EXOC1: variants seen among roughly 807,000 people sequenced by gnomAD.
EXOC1 encodes the protein exocyst complex component 1, also known as SEC3-like 1.
EXOC1 carries 67 observed loss-of-function variants against 107.7 expected under a neutral mutation model. The ratio of observed to expected loss-of-function variants is 0.62; its 90% CI spans 0.51 to 0.76. The LOEUF (loss-of-function observed/expected upper bound fraction) is 0.76. Among genes scored for constraint, EXOC1 ranks in the 30% least tolerant of loss-of-function variants. The probability of loss-of-function intolerance (pLI) is 0.00; values close to 1 mark genes in which losing one functional copy is unlikely to be tolerated. For synonymous variants in EXOC1, 348 were observed against 353.5 expected (o/e 0.98, Z 0.17); for missense variants, 833 against 1,055.7 (o/e 0.79, Z 2.92).
chr4:55,855,969 T>C (rs1408089006), intron 1 of EXOC1, among the ~76,000 whole-genome samples: 2 of 152,180 alleles, frequency 1.3e-5, no homozygotes. Flanking sequence ...ATGGCTTTTA[T>C]ATCCTCTGCA....
chr4:55,904,334 TA>T lies in EXOC1; in HGVS notation c.2533-7del. 2 of 1,581,776 alleles carry T rather than the reference TA, an allele frequency of 1.3e-6. No homozygotes were observed. The highest frequency in any genetic ancestry group is 1.9e-5 in the Admixed American group (1 of 53,198). On this transcript the variant is annotated splice_polypyrimidine_tract_variant and splice_region_variant and intron_variant, in intron 18 of 18. Coordinates refer to ENST00000381295, the MANE Select transcript of EXOC1 (RefSeq NM_001024924.2). ...TTCATAGCCTAATGACTTTTTTTTTTAATAATAGGTGGTGTGGCACTCCATG... is the reference window on the plus strand; with the variant it reads ...TTCATAGCCTAATGACTTTTTTTTTTATAATAGGTGGTGTGGCACTCCATG...
At position 55,899,677 on chromosome 4, in the gene EXOC1, G is replaced by T. The variant is rs776514756; in HGVS notation, c.2138-8G>T. 6 of 1,602,080 alleles carry T rather than the reference G, an allele frequency of 3.7e-6. No individual in the cohort carries two copies. Among genetic ancestry groups the T allele is most frequent in the Middle Eastern group, 1.7e-4 (1 of 5,928 alleles). ...GATGTTATTTTATTTTTTCTGTTTT[G>T]GTTTTAGTGGAGAAAGTAGCAAATG... On this transcript the variant is annotated splice_region_variant and splice_polypyrimidine_tract_variant and intron_variant, in intron 16 of 18. Coordinates refer to ENST00000381295, the MANE Select transcript of EXOC1 (RefSeq NM_001024924.2).
intron 9 of EXOC1, among the ~76,000 whole-genome samples, chr4:55,880,978 A>G (rs1723327022): frequency 6.6e-6 from 1 of 152,174 alleles, no homozygotes; most frequent in Non-Finnish European, 1.5e-5. Flanking sequence ...AAACAGACCA[A>G]TCAGTGTTTC....
At chr4:55,896,317 T>A (rs2109485377) in intron 15 of EXOC1, among the ~76,000 whole-genome samples, 1 of 151,360 alleles carries the variant, frequency 6.6e-6, no homozygotes, top group Non-Finnish European at 1.5e-5. Context: ...ACCCAGCTAA[T>A]TTTTTTTTGT....
intron 4 of EXOC1, among the ~76,000 whole-genome samples, chr4:55,865,797 T>G (rs28452073): frequency 0.26 from 40,048 of 151,814 alleles, 5,528 homozygotes; most frequent in Non-Finnish European, 0.28. Flanking sequence ...AGAAGAGTAT[T>G]ACTGTTTTTG....
chr4:55,865,147 TTA>T (rs1280877806), intron 4 of EXOC1, among the ~76,000 whole-genome samples: 17 of 152,222 alleles, frequency 1.1e-4, no homozygotes, highest in African/African-American at 4.1e-4. Context: ...TTAGCTATTA[TTA>T]TGTTACCAGT....
At chr4:55,885,409 A>G (rs545475503) in intron 10 of EXOC1, among the ~76,000 whole-genome samples, 69 of 152,296 alleles carry the variant, frequency 4.5e-4, no homozygotes, top group Non-Finnish European at 8.2e-4. Context: ...CCTGAAACCT[A>G]AATTTTTTCC....
chr4:55,895,721 G>A (rs973492596), intron 15 of EXOC1, among the ~76,000 whole-genome samples: 3 of 152,164 alleles, frequency 2.0e-5, no homozygotes, highest in Non-Finnish European at 4.4e-5. Context: ...TGAATCCGTG[G>A]ATCGTTTTGA....
At chr4:55,870,020 A>T (rs564047964) in intron 5 of EXOC1, among the ~76,000 whole-genome samples, 38 of 152,202 alleles carry the variant, frequency 2.5e-4, no homozygotes, top group African/African-American at 8.9e-4. Flanking sequence ...GAAAATAGTG[A>T]TAAGGGGATG....
chr4:55,896,894 G>A lies in EXOC1; in HGVS notation c.2131G>A (p.Val711Ile), dbSNP rs1253873859. The change falls in exon 16 of 19, where the codon GTT becomes ATT. Residue 711 changes from valine (V) to isoleucine (I), a missense_variant. Physicochemically the swap from Val to Ile is conservative, Grantham distance 29. This residue lies in a region of EXOC1 where 216 missense variants were observed against 354.4 expected (regional missense o/e 0.61). Transcript: ENST00000381295. ...CACCAAACTTATCAGAGGAGTATTT[G>A]TTAATGGTAAGCTTTTGTTATGTTC... ...AYTKLIRGVF[V>I]NVEKVANESQ... is the part of the protein sequence containing the mutation. The A allele has an allele frequency of 6.3e-7, 1 of 1,586,282 alleles. No homozygotes were observed. Among genetic ancestry groups the A allele is most frequent in the African/African-American group, 1.4e-5 (1 of 73,022 alleles).
chr4:55,903,006 T>C (rs1726142993), intron 18 of EXOC1, among the ~76,000 whole-genome samples: 1 of 151,836 alleles, frequency 6.6e-6, no homozygotes. Flanking sequence ...TAGCTGGGCA[T>C]GGTGGCACGT....
At chr4:55,865,334 G>A (rs905549866) in intron 4 of EXOC1, among the ~76,000 whole-genome samples, 3 of 152,090 alleles carry the variant, frequency 2.0e-5, no homozygotes, top group Non-Finnish European at 4.4e-5. Flanking sequence ...TTGTAAGATA[G>A]CACTTAGTAA....
At chr4:55,867,299 A>G (rs1318169244) in intron 4 of EXOC1, among the ~76,000 whole-genome samples, 1 of 152,202 alleles carries the variant, frequency 6.6e-6, no homozygotes, top group East Asian at 1.9e-4. Flanking sequence ...AATTGCCTGT[A>G]CCAAAAGTTT....
At chr4:55,896,301 G>T (rs1354782454) in intron 15 of EXOC1, among the ~76,000 whole-genome samples, 1 of 151,676 alleles carries the variant, frequency 6.6e-6, no homozygotes, top group Admixed American at 6.6e-5. Context: ...AGGCATGCAC[G>T]ACCCCACCCA....
At chr4:55,874,654 T>C (rs1318834193) in intron 8 of EXOC1, among the ~76,000 whole-genome samples, 1 of 152,168 alleles carries the variant, frequency 6.6e-6, no homozygotes, top group Non-Finnish European at 1.5e-5. Context: ...TTTAATATAA[T>C]AATCACTGTA....
chr4:55,867,610 G>A (rs1287282940), intron 4 of EXOC1, among the ~76,000 whole-genome samples: 3 of 151,110 alleles, frequency 2.0e-5, no homozygotes, highest in Non-Finnish European at 4.4e-5. Context: ...AGCATTTCAG[G>A]TTTGACCTCT....
At position 55,887,063 on chromosome 4, in the gene EXOC1, G is replaced by A. The variant is rs112017976; in HGVS notation, c.1331-1825G>A. On this transcript the variant is annotated intron_variant, in intron 10 of 18. Transcript: ENST00000381295. ...TTTCCCACAGGATTGATGTTTCAGT[G>A]TATTTTTTTCCTTTGTATTCTACAA... is the stretch of plus-strand genomic sequence containing the variant. Among the ~76,000 whole-genome samples the A allele has an allele frequency of 8.4e-3, 1,281 of 152,148 alleles. 28 individuals are homozygous for A. Among genetic ancestry groups the A allele is most frequent in the African/African-American group, 0.029 (1,201 of 41,512 alleles).
chr4:55,864,027 T>C (rs528927019), intron 3 of EXOC1, among the ~76,000 whole-genome samples, 200 bp from the exon 4 acceptor site: 3 of 152,362 alleles, frequency 2.0e-5, no homozygotes. Context: ...CAACAGTATG[T>C]TGTTTTTTCA....
Position 55,876,414 on chromosome 4 carries a change from C to CACTCCA in EXOC1, c.1075-1501_1075-1496dup, listed in dbSNP as rs1403892576. 20 of 696,376 alleles carry CACTCCA rather than the reference C, an allele frequency of 2.9e-5. No homozygotes were observed. In the Admixed American group the frequency reaches 1.3e-3, roughly 44 times the overall value. 43.1% of individuals were successfully genotyped at this position (696,376 alleles called of 1,614,324 possible). On this transcript the variant is annotated intron_variant, in intron 8 of 18. Transcript: ENST00000381295. ...GTATATATACTGTATATTATATAATCACTCCAAGCACATGTTTTTGCAACA... is the reference window on the plus strand; with the variant it reads ...GTATATATACTGTATATTATATAATCACTCCAACTCCAAGCACATGTTTTTGCAACA...
Sources: gnomAD v4.1 joint callset for allele counts (sites outside exome capture counted in the v4.1 genomes callset) on GRCh38, gnomAD v4.1.1 for gene constraint, gnomAD v4.1.1 regional missense constraint, MANE v1.5 for transcripts, NCBI Gene and HGNC (gene_info 2026-07-23, HGNC 2026-07-21) for gene names.